The following DCTN5 variants were observed in gnomAD, a reference collection of about 807,000 sequenced individuals.
The protein encoded by DCTN5 is dynactin subunit 5, also known as dynactin 4.
Under a neutral mutation model 23.5 loss-of-function variants are expected in DCTN5, and 14 were observed. The observed-to-expected ratio is 0.60, with a 90% confidence interval of 0.39 to 0.93. The LOEUF is 0.93. DCTN5 is among the 40% of genes least tolerant of loss of function. The pLI, the probability that DCTN5 is intolerant of heterozygous loss-of-function variation, is 0.00. For synonymous variants in DCTN5, 67 were observed against 79.6 expected, an observed-to-expected ratio of 0.84 and a Z score of 0.84; for missense variants, 156 against 225.9, an observed-to-expected ratio of 0.69 and a Z score of 1.98.
At chr16:23,651,031 C>G in intron 2 of DCTN5, 1 of 1,391,336 alleles carries the variant, frequency 7.2e-7, no homozygotes, top group Non-Finnish European at 9.3e-7. Context: ...TTCCACTACT[C>G]AAATAGTAAT....
intron 2 of DCTN5, among the ~76,000 whole-genome samples, chr16:23,644,318 T>TTTTTTA (rs1967375923): frequency 7.6e-6 from 1 of 131,810 alleles, no homozygotes; most frequent in Non-Finnish European, 1.6e-5. Flanking sequence ...TTTTTTTTTT[T>TTTTTTA]GAGATGGAGT....
At chr16:23,660,160 A>G (rs1034274656) in intron 3 of DCTN5, among the ~76,000 whole-genome samples, 5 of 152,366 alleles carry the variant, frequency 3.3e-5, no homozygotes, top group African/African-American at 1.2e-4. Flanking sequence ...CAGGGAATGC[A>G]TTGCTGCACA....
chr16:23,670,427 T>G lies in DCTN5; in HGVS notation c.*3283T>G, dbSNP rs1967984909. 6.6e-6 allele frequency: 1 copy of G among 152,174 alleles called. No individual in the cohort carries two copies. Among genetic ancestry groups the G allele is most frequent in the Admixed American group, 6.5e-5 (1 of 15,268 alleles). The allele number at this position is 152,174 out of a possible 1,614,324, so 9.4% of individuals were successfully genotyped here. A position where few individuals can be genotyped will look rare whatever the true frequency, so the allele number is the denominator to read the frequency against. ...AACATTGTTCATAGTTAACATATCC[T>G]TGGAAGTTTCTCAGCTATAAGGAAG... On this transcript the variant is annotated 3_prime_UTR_variant, in exon 6 of 6. Coordinates refer to ENST00000300087, the MANE Select transcript of DCTN5 (RefSeq NM_032486.4).
At position 23,669,240 on chromosome 16, in the gene DCTN5, T is replaced by C. The variant is rs1434910376; in HGVS notation, c.*2096T>C. The C allele has an allele frequency of 6.6e-6, 1 of 152,290 alleles. No homozygotes were observed. The highest frequency in any genetic ancestry group is 2.4e-5 in the African/African-American group (1 of 41,428). The allele number at this position is 152,290 out of a possible 1,614,324, so 9.4% of individuals were successfully genotyped here. The stretch of plus-strand genomic sequence containing the variant: ...TTGGTTGGGACTCTTTCCAGTTCAC[T>C]TGGGGCAGAGGGAATTTAATGGCTC... On this transcript the variant is annotated 3_prime_UTR_variant, in exon 6 of 6. Transcript: ENST00000300087.
chr16:23,657,247 G>A (rs249867), intron 2 of DCTN5, among the ~76,000 whole-genome samples: 29,311 of 152,090 alleles, frequency 0.19, 3,148 homozygotes, highest in East Asian at 0.43. Flanking sequence ...CATGAGCCTA[G>A]GGGTTCAAGA....
At position 23,672,145 on chromosome 16, in the gene DCTN5, G is replaced by A. The variant is rs1968017599; in HGVS notation, c.*5001G>A. ...AGTCTGGGAGAATGAGGAAATATGA[G>A]AGCCCCAGGAACTGAAAAGGCCTGT... On this transcript the variant is annotated 3_prime_UTR_variant, in exon 6 of 6. Coordinates refer to ENST00000300087, the MANE Select transcript of DCTN5 (RefSeq NM_032486.4). 6.6e-6 allele frequency: 1 copy of A among 152,176 alleles called. No individual in the cohort carries two copies. The highest frequency in any genetic ancestry group is 6.5e-5 in the Admixed American group (1 of 15,280). 9.4% of individuals were successfully genotyped at this position (152,176 alleles called of 1,614,324 possible).
rs532795710 is a variant in DCTN5 at position 23,646,645 on chromosome 16, C to A, written c.117+3622C>A. ...AGGCTGGAGTGCAGTGGTGCAATCT[C>A]GGCTCACTGCAACCTCCGCCTCCTG... On this transcript the variant is annotated intron_variant, in intron 2 of 5. Coordinates refer to ENST00000300087, the MANE Select transcript of DCTN5 (RefSeq NM_032486.4). Among the ~76,000 whole-genome samples, 23 of 151,986 alleles carry A rather than the reference C, an allele frequency of 1.5e-4. No individual in the cohort carries two copies. In the South Asian group the frequency reaches 4.8e-3, roughly 32 times the overall value.
At position 23,665,721 on chromosome 16, in the gene DCTN5, C is replaced by G. The variant is rs1238221027; in HGVS notation, c.444C>G (p.Gly148=). ...TTCCACCATTCACTGTCTTCTCAGG[C>G]TGCCCAGGTAACCTTGGCTGTTGAT... ...TVVPPFTVFS[G]CPGLFSGELP... The change falls in exon 5 of 6, where the codon GGC becomes GGG. Residue 148 remains glycine, a synonymous_variant. Transcript: ENST00000300087. 3 of 1,613,068 alleles carry G rather than the reference C, an allele frequency of 1.9e-6. No individual in the cohort carries two copies. The highest frequency in any genetic ancestry group is 1.7e-5 in the Admixed American group (1 of 59,840).
chr16:23,662,401 T>C (rs1376050387), intron 4 of DCTN5, among the ~76,000 whole-genome samples: 1 of 152,204 alleles, frequency 6.6e-6, no homozygotes, highest in African/African-American at 2.4e-5. Flanking sequence ...CAACCAAGGC[T>C]TAACAAGGTT....
chr16:23,649,509 T>C (rs1967551580), intron 2 of DCTN5, among the ~76,000 whole-genome samples: 1 of 152,270 alleles, frequency 6.6e-6, no homozygotes, highest in East Asian at 1.9e-4. Flanking sequence ...TTTCTTCTAG[T>C]AGTTTATAGT....
chr16:23,662,785 T>G (rs1401246236), intron 4 of DCTN5, among the ~76,000 whole-genome samples: 1 of 152,228 alleles, frequency 6.6e-6, no homozygotes, highest in Non-Finnish European at 1.5e-5. Flanking sequence ...GATATTTTCC[T>G]TAGCAAAGTG....
intron 2 of DCTN5, among the ~76,000 whole-genome samples, chr16:23,647,564 A>G (rs539254169): frequency 1.3e-5 from 2 of 151,358 alleles, no homozygotes; most frequent in South Asian, 4.2e-4. Flanking sequence ...GCTGGATGCA[A>G]TGGTGGAATC....
intron 1 of DCTN5, 37 bp downstream of exon 1, chr16:23,641,627 C>G: frequency 6.2e-7 from 1 of 1,612,124 alleles, no homozygotes; most frequent in South Asian, 1.1e-5. Context: ...CTCTTTCCAA[C>G]CCTGCGTCCC....
rs199943031 is a variant in DCTN5 at position 23,657,429 on chromosome 16, C to G, written c.118-1078C>G. On this transcript the variant is annotated intron_variant, in intron 2 of 5. Transcript: ENST00000300087. The stretch of plus-strand genomic sequence containing the variant: ...TATGATTGTGGCACTGCACTGCAGC[C>G]TGGGCAACAGAGTGAGACCCTGTGT... 25 of 403,106 alleles carry G rather than the reference C, an allele frequency of 6.2e-5. No individual in the cohort carries two copies. In the Admixed American group the frequency reaches 6.9e-4, roughly 11 times the overall value. The allele number at this position is 403,106 out of a possible 1,614,324, so 25.0% of individuals were successfully genotyped here. A position where few individuals can be genotyped will look rare whatever the true frequency, so the allele number is the denominator to read the frequency against.
chr16:23,651,523 T>C (rs951924113), intron 2 of DCTN5, among the ~76,000 whole-genome samples: 3 of 152,248 alleles, frequency 2.0e-5, no homozygotes, highest in African/African-American at 7.2e-5. Flanking sequence ...GTTGTACTTA[T>C]TTAAAACACA....
At chr16:23,650,866 G>T (rs1201943685) in intron 2 of DCTN5, 3 of 1,419,858 alleles carry the variant, frequency 2.1e-6, no homozygotes, top group African/African-American at 2.8e-5. Flanking sequence ...ATAGAGAGTG[G>T]TGGGGCCTGG....
chr16:23,655,344 G>C (rs1027465877), intron 2 of DCTN5, among the ~76,000 whole-genome samples: 5 of 152,048 alleles, frequency 3.3e-5, no homozygotes, highest in African/African-American at 9.7e-5. Flanking sequence ...TGACTAGGGT[G>C]GGGTAGGGAA....
chr16:23,649,275 T>C (rs1015044569), intron 2 of DCTN5, among the ~76,000 whole-genome samples: 9 of 152,248 alleles, frequency 5.9e-5, no homozygotes, highest in African/African-American at 1.7e-4. Flanking sequence ...TTGAGTTTTT[T>C]TGCAGTTGAG....
chr16:23,662,421 G>A (rs1311316441), intron 4 of DCTN5, among the ~76,000 whole-genome samples: 3 of 152,172 alleles, frequency 2.0e-5, no homozygotes, highest in Non-Finnish European at 4.4e-5. Context: ...TGGATTTCCT[G>A]TGATTTCTTA....
Sources: gnomAD v4.1 joint callset for allele counts (sites outside exome capture counted in the v4.1 genomes callset) on GRCh38, gnomAD v4.1.1 for gene constraint, MANE v1.5 for transcripts, NCBI Gene and HGNC (gene_info 2026-07-23, HGNC 2026-07-21) for gene names.